Variants in CCDC88C observed in about 807,000 individuals in gnomAD.
The protein encoded by CCDC88C is coiled-coil and HOOK domain protein 88C.
CCDC88C carries 131 observed loss-of-function variants against 198.8 expected under a neutral mutation model. The ratio of observed to expected loss-of-function variants is 0.66; its 90% CI spans 0.57 to 0.76. CCDC88C has a LOEUF of 0.76. Ranked by LOEUF, CCDC88C falls within the 30% of genes least tolerant of loss-of-function variation. The pLI, the probability that CCDC88C is intolerant of heterozygous loss-of-function variation, is 0.00. For synonymous variants in CCDC88C, 1,166 were observed against 1,114.7 expected (o/e 1.05, Z -0.92); for missense variants, 2,553 against 2,631.6 (o/e 0.97, Z 0.65).
chr14:91,274,024 T>G (rs1300322103), intron 29 of CCDC88C, among the ~76,000 whole-genome samples: 1 of 151,912 alleles, frequency 6.6e-6, no homozygotes, highest in Non-Finnish European at 1.5e-5. Context: ...CAGCAGGAAC[T>G]AGAATGCTGG....
At chr14:91,306,576 T>C (rs1168055168) in intron 18 of CCDC88C, among the ~76,000 whole-genome samples, 4 of 152,252 alleles carry the variant, frequency 2.6e-5, no homozygotes, top group Non-Finnish European at 5.9e-5. Flanking sequence ...GGCACGGACA[T>C]GCATTAGCAG....
Position 91,336,539 on chromosome 14 carries a change from G to A in CCDC88C, c.1050+1466C>T, listed in dbSNP as rs1010318759. 4.9e-5 allele frequency among the ~76,000 whole-genome samples: 7 copies of A among 144,272 alleles called. No individual in the cohort carries two copies. The South Asian group carries it at 7.5e-4, about 15-fold the overall frequency. 94.6% of individuals were successfully genotyped at this position (144,272 alleles called of 152,430 possible). ...GGCATTTCCAGTAAGCAATGCAGCC[G>A]TCAGAAGCTGCCCATGTTCTGGAAC... On this transcript the variant is annotated intron_variant, in intron 10 of 29. Transcript: ENST00000389857.
At chr14:91,294,438 G>A (rs750629928) in intron 22 of CCDC88C, 120 bp from the exon 23 acceptor site, 60 of 1,197,722 alleles carry the variant, frequency 5.0e-5, no homozygotes, top group Admixed American at 1.3e-4. Flanking sequence ...CATAATCTAC[G>A]CCAGTGGAAA....
rs1251068685 is a variant in CCDC88C, at chr14:91,271,872, T to C, written c.*753A>G. ...TGGGGGCCTCTTTCCTGCCCCCCAA[T>C]CCCCAGGCCTGGCAGATCCAGTGTT... On this transcript the variant is annotated 3_prime_UTR_variant, in exon 30 of 30. Coordinates refer to ENST00000389857, the MANE Select transcript of CCDC88C (RefSeq NM_001080414.4). 6.5e-6 allele frequency: 1 copy of C among 152,726 alleles called. No individual in the cohort carries two copies. Among genetic ancestry groups the C allele is most frequent in the Non-Finnish European group, 1.5e-5 (1 of 68,136 alleles). 9.5% of individuals were successfully genotyped at this position (152,726 alleles called of 1,614,324 possible).
intron 23 of CCDC88C, 33 bp from the exon 24 acceptor site, chr14:91,291,117 C>T (rs1199350852): frequency 1.2e-5 from 15 of 1,216,484 alleles, no homozygotes; most frequent in Non-Finnish European, 1.7e-5. Flanking sequence ...ACCTATCAAT[C>T]CAGTTTTAAA....
At chr14:91,319,501 C>G (rs778412829) in intron 13 of CCDC88C, among the ~76,000 whole-genome samples, 2 of 152,208 alleles carry the variant, frequency 1.3e-5, no homozygotes, top group African/African-American at 4.8e-5. Flanking sequence ...TAAGGTGTTC[C>G]GTCAGTGGCC....
chr14:91,305,884 G>T lies in CCDC88C; in HGVS notation c.3238C>A (p.Leu1080Met), dbSNP rs1230497850. 5 of 1,613,940 alleles carry T rather than the reference G, an allele frequency of 3.1e-6. No individual in the cohort carries two copies. Among genetic ancestry groups the T allele is most frequent in the Non-Finnish European group, 4.2e-6 (5 of 1,179,900 alleles). The change falls in exon 19 of 30, where the codon CTG (leucine) becomes ATG (methionine). Residue 1080 changes from leucine (L) to methionine (M), a missense_variant. Around this residue, in one of 2 missense-constraint regions of CCDC88C, gnomAD observed 1,260 missense variants for 1,412.0 expected, o/e 0.89. Coordinates refer to ENST00000389857, the MANE Select transcript of CCDC88C (RefSeq NM_001080414.4). The stretch of plus-strand genomic sequence containing the variant: ...ACGTTCTGGGTCTCCAGGTGCTGCA[G>T]CTGTTCCTTTAGCAGCTGCTTCTCA... ...QAEKQLLKEQ[L>M]QHLETQNVTF...
intron 12 of CCDC88C, among the ~76,000 whole-genome samples, chr14:91,323,771 G>A (rs1310293909): frequency 1.3e-5 from 2 of 152,216 alleles, no homozygotes; most frequent in African/African-American, 4.8e-5. Context: ...ACCAGGGGGC[G>A]CCCCCAACTT....
intron 3 of CCDC88C, among the ~76,000 whole-genome samples, chr14:91,404,562 C>T (rs972541695): frequency 1.3e-5 from 2 of 152,200 alleles, no homozygotes; most frequent in Non-Finnish European, 2.9e-5. Flanking sequence ...AAGCTCCCAG[C>T]GCGGCTGCAG....
At chr14:91,409,497 T>G (rs1886692446) in intron 2 of CCDC88C, among the ~76,000 whole-genome samples, 1 of 149,576 alleles carries the variant, frequency 6.7e-6, no homozygotes, top group Non-Finnish European at 1.5e-5. Flanking sequence ...TTTCTTTTTT[T>G]TTTTTTTTGA....
At position 91,388,393 on chromosome 14, in the gene CCDC88C, G is replaced by A. The variant is rs139022543; in HGVS notation, c.270+20266C>T. ...GGCTGCCTCGGCCCAGCTTCTCAAC[G>A]TTCTTGACACTGATGCTACAGCCTC... is the stretch of plus-strand genomic sequence containing the variant. On this transcript the variant is annotated intron_variant, in intron 3 of 29. Transcript: ENST00000389857. Among the ~76,000 whole-genome samples, 332 of 152,270 alleles carry A rather than the reference G, an allele frequency of 2.2e-3. 2 individuals are homozygous for A. Among genetic ancestry groups the A allele is most frequent in the Middle Eastern group, 0.014 (4 of 294 alleles).
At chr14:91,319,121 G>A (rs987784709) in intron 13 of CCDC88C, among the ~76,000 whole-genome samples, 4 of 152,084 alleles carry the variant, frequency 2.6e-5, no homozygotes, top group African/African-American at 7.2e-5. Context: ...CTCCTCCCTC[G>A]ACTGGAATCT....
intron 2 of CCDC88C, among the ~76,000 whole-genome samples, chr14:91,411,173 C>A (rs1344357872): frequency 6.6e-6 from 1 of 152,182 alleles, no homozygotes. Context: ...AAAACAAAAG[C>A]CTCAACTACA....
intron 22 of CCDC88C, among the ~76,000 whole-genome samples, chr14:91,294,775 C>T (rs1050257990): frequency 2.0e-5 from 3 of 152,210 alleles, no homozygotes; most frequent in Non-Finnish European, 4.4e-5. Context: ...CTGCCTCAGC[C>T]TCCTGAGTCT....
At position 91,324,843 on chromosome 14, in the gene CCDC88C, C is replaced by G; in HGVS notation, c.1278G>C (p.Met426Ile). ...MVLEIAQKQS[M>I]NESAHLGWEL... is the part of the protein sequence containing the mutation. ...CCCAGCCAAGGTGGGCAGATTCGTT[C>G]ATGCTCTGCTTCTGTGCAATCTCAA... The change falls in exon 12 of 30, where the codon ATG (methionine) becomes ATC (isoleucine). Residue 426 changes from methionine to isoleucine, a missense_variant. By Grantham distance (10) the Met-to-Ile change is conservative (BLOSUM62 1). Coordinates refer to ENST00000389857, the MANE Select transcript of CCDC88C (RefSeq NM_001080414.4). 1 of 1,613,738 alleles carries G rather than the reference C, an allele frequency of 6.2e-7. No individual in the cohort carries two copies. Among genetic ancestry groups the G allele is most frequent in the Non-Finnish European group, 8.5e-7 (1 of 1,179,900 alleles).
intron 4 of CCDC88C, 27 bp downstream of exon 4, chr14:91,359,613 CAG>C (rs1164988801): frequency 2.5e-6 from 4 of 1,584,590 alleles, no homozygotes; most frequent in Non-Finnish European, 3.4e-6. Flanking sequence ...CTGGGCACCA[CAG>C]GGGAGAAGGG....
intron 3 of CCDC88C, among the ~76,000 whole-genome samples, chr14:91,407,044 A>G (rs753511119): frequency 1.3e-5 from 2 of 152,104 alleles, no homozygotes; most frequent in Non-Finnish European, 2.9e-5. Context: ...CTGAGCACAG[A>G]TGGCTCACTG....
intron 17 of CCDC88C, among the ~76,000 whole-genome samples, chr14:91,307,803 G>T (rs1349155636): frequency 1.3e-5 from 2 of 152,184 alleles, no homozygotes; most frequent in Non-Finnish European, 2.9e-5. Context: ...CACACACGTG[G>T]TGGGCACATG....
intron 10 of CCDC88C, among the ~76,000 whole-genome samples, chr14:91,328,706 G>A (rs1258394648): frequency 6.6e-6 from 1 of 152,154 alleles, no homozygotes; most frequent in Non-Finnish European, 1.5e-5. Context: ...TTTACACGAT[G>A]GGCCTAAAGA....
Sources: gnomAD v4.1 joint callset for allele counts (sites outside exome capture counted in the v4.1 genomes callset) on GRCh38, gnomAD v4.1.1 for gene constraint, gnomAD v4.1.1 regional missense constraint, MANE v1.5 for transcripts, NCBI Gene and HGNC (gene_info 2026-07-23, HGNC 2026-07-21) for gene names.